The following APBB2 variants were observed in gnomAD, a reference collection of about 807,000 sequenced individuals.
The protein encoded by APBB2 is Fe65-like 1.
APBB2 carries 38 observed loss-of-function variants against 82.5 expected under a neutral mutation model. That is an observed-to-expected ratio of 0.46 (90% confidence interval 0.36 to 0.60). APBB2 has a LOEUF of 0.60. Ranked by LOEUF, APBB2 falls within the 20% of genes least tolerant of loss-of-function variation. The pLI is 0.00. For synonymous variants in APBB2, 341 were observed against 368.2 expected, an observed-to-expected ratio of 0.93 and a Z score of 0.85; for missense variants, 772 against 972.3, an observed-to-expected ratio of 0.79 and a Z score of 2.74.
intron 12 of APBB2, among the ~76,000 whole-genome samples, chr4:40,888,104 T>C (rs375567290): frequency 6.6e-6 from 1 of 152,364 alleles, no homozygotes; most frequent in East Asian, 1.9e-4. Flanking sequence ...TAGCTGCATC[T>C]GCTAGCGTGT....
At chr4:40,887,412 G>A (rs1770634179) in intron 12 of APBB2, among the ~76,000 whole-genome samples, 1 of 152,284 alleles carries the variant, frequency 6.6e-6, no homozygotes, top group South Asian at 2.1e-4. Flanking sequence ...CACTTTCTCA[G>A]CAAGGAAAGT....
intron 4 of APBB2, among the ~76,000 whole-genome samples, chr4:41,054,469 A>G (rs570488216): frequency 6.6e-5 from 10 of 152,278 alleles, no homozygotes; most frequent in African/African-American, 1.9e-4. Flanking sequence ...ATGAGCAACA[A>G]TGGAACAGGA....
At chr4:40,824,663 A>AT (rs1007829738) in intron 15 of APBB2, among the ~76,000 whole-genome samples, 12 of 151,564 alleles carry the variant, frequency 7.9e-5, no homozygotes, top group East Asian at 1.9e-4. Flanking sequence ...AATTTTTTGA[A>AT]TTTTTTTTGT....
chr4:41,115,624 C>CA (rs1750719519), intron 2 of APBB2, among the ~76,000 whole-genome samples: 2 of 151,476 alleles, frequency 1.3e-5, no homozygotes, highest in South Asian at 4.2e-4. Flanking sequence ...AAAAAATTTC[C>CA]AAAAAAAGAC....
In APBB2 at chr4:41,042,702, C is replaced by A. The variant is rs531856277; in HGVS notation, c.-50-9398G>T. Among the ~76,000 whole-genome samples the A allele has an allele frequency of 1.3e-5, 2 of 152,280 alleles. 1 individual carries two copies. The highest frequency in any genetic ancestry group is 4.8e-5 in the African/African-American group (2 of 41,546). On this transcript the variant is annotated intron_variant, in intron 4 of 17. Coordinates refer to ENST00000508593, the MANE Select transcript of APBB2 (RefSeq NM_004307.2). ...CCATTTTTGACCACCCTAAGCCAGC[C>A]AACCATCAAACACATGAAAGAACAC...
intron 10 of APBB2, among the ~76,000 whole-genome samples, chr4:40,904,565 T>C (rs1008235921): frequency 2.6e-5 from 4 of 152,074 alleles, no homozygotes; most frequent in East Asian, 1.9e-4. Context: ...AAAATACCTC[T>C]TGGATGTTGC....
chr4:41,024,451 C>A (rs915914325), intron 5 of APBB2, among the ~76,000 whole-genome samples: 9 of 152,128 alleles, frequency 5.9e-5, no homozygotes, highest in African/African-American at 9.6e-5. Flanking sequence ...ATATCCAGCA[C>A]CTATTGAGGG....
intron 12 of APBB2, among the ~76,000 whole-genome samples, chr4:40,833,505 G>C (rs1752789946): frequency 6.6e-6 from 1 of 152,156 alleles, no homozygotes; most frequent in Non-Finnish European, 1.5e-5. Flanking sequence ...GACCCTGCTT[G>C]TATCAAAATG....
intron 6 of APBB2, among the ~76,000 whole-genome samples, chr4:41,003,686 A>G (rs1005224122): frequency 1.3e-5 from 2 of 152,150 alleles, no homozygotes; most frequent in Non-Finnish European, 2.9e-5. Flanking sequence ...AAGCCTTCAA[A>G]GGGAGCGAGA....
intron 10 of APBB2, among the ~76,000 whole-genome samples, chr4:40,930,468 T>TGCGCGCGCGC (rs1560309735): frequency 7.6e-6 from 1 of 132,132 alleles, no homozygotes; most frequent in East Asian, 2.0e-4. Context: ...CGCGCGCGCG[T>TGCGCGCGCGC]GCGCGTGCGC....
intron 10 of APBB2, among the ~76,000 whole-genome samples, chr4:40,931,692 C>G (rs1228437854): frequency 6.6e-6 from 1 of 152,188 alleles, no homozygotes; most frequent in African/African-American, 2.4e-5. Context: ...ATCTTGAGAT[C>G]TGAAAAGCTG....
At chr4:40,915,355 C>T (rs1779581960) in intron 10 of APBB2, among the ~76,000 whole-genome samples, 1 of 152,210 alleles carries the variant, frequency 6.6e-6, no homozygotes, top group Non-Finnish European at 1.5e-5. Context: ...TTTTATTCCA[C>T]TTGTGTGGTT....
At chr4:40,943,776 T>C (rs987309537) in intron 7 of APBB2, among the ~76,000 whole-genome samples, 2 of 152,330 alleles carry the variant, frequency 1.3e-5, no homozygotes, top group African/African-American at 2.4e-5. Flanking sequence ...GACCACGGCA[T>C]GGCACAGGTA....
At chr4:41,159,901 AAGG>A (rs1560911990) in intron 1 of APBB2, among the ~76,000 whole-genome samples, 1 of 65,564 alleles carries the variant, frequency 1.5e-5, no homozygotes, top group African/African-American at 7.8e-5. Flanking sequence ...AAGGAAGAAG[AAGG>A]AGAAGGAGGA....
Position 41,032,033 on chromosome 4 carries a change from A to G in APBB2, c.19+1203T>C, listed in dbSNP as rs1016350322. 3.3e-5 allele frequency among the ~76,000 whole-genome samples: 5 copies of G among 152,296 alleles called. No individual in the cohort carries two copies. In the East Asian group the frequency reaches 9.6e-4, roughly 29 times the overall value. On this transcript the variant is annotated intron_variant, in intron 5 of 17. Transcript: ENST00000508593. Reference sequence around the variant, plus strand: ...TCATAGTTTTTGGCTGTTTTTTATAAAAGAATATTTGTTGCCTCTCATATA... The same window carrying G: ...TCATAGTTTTTGGCTGTTTTTTATAGAAGAATATTTGTTGCCTCTCATATA...
At chr4:40,933,271 C>T (rs2154374755) in intron 10 of APBB2, among the ~76,000 whole-genome samples, 1 of 152,300 alleles carries the variant, frequency 6.6e-6, no homozygotes, top group Admixed American at 6.5e-5. Flanking sequence ...TATCTTGGTA[C>T]CTGCACACAG....
chr4:40,948,829 C>A (rs1789208506), intron 6 of APBB2, among the ~76,000 whole-genome samples: 1 of 127,792 alleles, frequency 7.8e-6, no homozygotes, highest in Admixed American at 9.0e-5. Context: ...GTGGAGGCTG[C>A]ATGGAGCCAT....
At position 40,810,357 on chromosome 4, in the gene APBB2, C is replaced by T. The variant is rs1744166357; in HGVS notation, c.*5735G>A. ...GGCTGAGGTGGGCACGCCACTTGAG[C>T]ACCGGAGTTCCAGACGAGCCTGGAC... On this transcript the variant is annotated 3_prime_UTR_variant, in exon 18 of 18. Transcript: ENST00000508593. The T allele has an allele frequency of 6.6e-6, 1 of 152,088 alleles. No homozygotes were observed. Among genetic ancestry groups the T allele is most frequent in the African/African-American group, 2.4e-5 (1 of 41,474 alleles). The allele number at this position is 152,088 out of a possible 1,614,324, so 9.4% of individuals were successfully genotyped here.
intron 12 of APBB2, among the ~76,000 whole-genome samples, chr4:40,856,280 T>C (rs748067): frequency 2.0e-5 from 3 of 152,250 alleles, no homozygotes; most frequent in African/African-American, 7.2e-5. Flanking sequence ...TCCATAGACG[T>C]GCCTGGTTAC....
Sources: allele counts gnomAD v4.1 joint callset (sites outside exome capture counted in the v4.1 genomes callset), GRCh38; gene constraint gnomAD v4.1.1; transcripts MANE v1.5; gene names NCBI Gene and HGNC (gene_info 2026-07-23, HGNC 2026-07-21).